PRKCB: variants seen among roughly 807,000 people sequenced by gnomAD.
PRKCB encodes the protein protein kinase C beta type.
Under a neutral mutation model 81.5 loss-of-function variants are expected in PRKCB, and 13 were observed. The ratio of observed to expected loss-of-function variants is 0.16; its 90% CI spans 0.10 to 0.25. The LOEUF is 0.25. PRKCB is among the 10% of genes least tolerant of loss of function. The pLI is 1.00. For missense variants in PRKCB, 509 were observed against 875.7 expected (o/e 0.58, Z 5.29); for synonymous variants, 335 against 321.4 (o/e 1.04, Z -0.45).
intron 5 of PRKCB, among the ~76,000 whole-genome samples, chr16:24,064,177 G>GA (rs919851565): frequency 3.3e-5 from 5 of 150,470 alleles, no homozygotes; most frequent in Non-Finnish European, 5.9e-5. Context: ...AAGGGAGCTT[G>GA]AAAAAAAAAT....
chr16:23,885,655 C>T (rs1315010320), intron 2 of PRKCB, among the ~76,000 whole-genome samples: 1 of 152,186 alleles, frequency 6.6e-6, no homozygotes, highest in East Asian at 1.9e-4. Context: ...GCATTCTCTT[C>T]TGATTCACTC....
In PRKCB at chr16:24,035,303, C is replaced by T. The variant is rs1965600100; in HGVS notation, c.401-116C>T. 4 of 1,368,644 alleles carry T rather than the reference C, an allele frequency of 2.9e-6. No individual in the cohort carries two copies. The East Asian group carries it at 7.2e-5, about 25-fold the overall frequency. The allele number at this position is 1,368,644 out of a possible 1,614,324, so 84.8% of individuals were successfully genotyped here. On this transcript the variant is annotated intron_variant, in intron 4 of 16. Transcript: ENST00000643927. ...GTTGGTCTCAGCCAGGCTCGTGTGT[C>T]TCAGCTGTCTCAAAGGAGGGAAACA...
chr16:24,106,665 TAC>T (rs2141912236), intron 7 of PRKCB, among the ~76,000 whole-genome samples: 1 of 152,348 alleles, frequency 6.6e-6, no homozygotes, highest in African/African-American at 2.4e-5. Flanking sequence ...AAAATCAATT[TAC>T]AGTCTTATCA....
intron 3 of PRKCB, among the ~76,000 whole-genome samples, chr16:23,989,589 A>T (rs1339877761): frequency 6.6e-6 from 1 of 152,230 alleles, no homozygotes; most frequent in African/African-American, 2.4e-5. Flanking sequence ...TGCATTTATG[A>T]TAAGGATATA....
chr16:23,911,128 CTTTTTTTTTTTT>C (rs567904157), intron 2 of PRKCB, among the ~76,000 whole-genome samples: 4 of 31,558 alleles, frequency 1.3e-4, no homozygotes, highest in South Asian at 1.8e-3. Flanking sequence ...CGTATATATG[CTTTTTTTTTTTT>C]TTTTTTTTTT....
chr16:24,181,789 A>AAAAAAAAAAAAAAAAAAAAAG (rs1013403340), intron 13 of PRKCB, among the ~76,000 whole-genome samples: 1 of 138,712 alleles, frequency 7.2e-6, no homozygotes, highest in Non-Finnish European at 1.6e-5. Context: ...AAAAAAAAAA[A>AAAAAAAAAAAAAAAAAAAAAG]AAGAAGAAGA....
intron 2 of PRKCB, among the ~76,000 whole-genome samples, chr16:23,847,578 G>A (rs369496284): frequency 2.2e-4 from 5 of 22,678 alleles, no homozygotes; most frequent in Admixed American, 3.4e-4. Flanking sequence ...CCATCCATCC[G>A]TCTGGCTATC....
intron 2 of PRKCB, among the ~76,000 whole-genome samples, chr16:23,850,140 A>G (rs1962449026): frequency 6.6e-6 from 1 of 152,068 alleles, no homozygotes; most frequent in Non-Finnish European, 1.5e-5. Context: ...GTCACAAATG[A>G]TATAATTTCT....
At chr16:24,135,582 G>T in intron 9 of PRKCB, among the ~76,000 whole-genome samples, 1 of 152,034 alleles carries the variant, frequency 6.6e-6, no homozygotes, top group East Asian at 1.9e-4. Context: ...CAAAGTGATG[G>T]GATTACAGGC....
In PRKCB at chr16:24,150,052, T is replaced by G. The variant is rs529308230; in HGVS notation, c.1066-4632T>G. 1.3e-4 allele frequency among the ~76,000 whole-genome samples: 20 copies of G among 152,288 alleles called. No homozygotes were observed. In the South Asian group the frequency reaches 3.9e-3, roughly 30 times the overall value. On this transcript the variant is annotated intron_variant, in intron 9 of 16. Coordinates refer to ENST00000643927, the MANE Select transcript of PRKCB (RefSeq NM_002738.7). ...GTGGTAGAAAAGGACCACGCTAGGCTGAGTGTGGTGGCTTACGCCTGTAAT... is the reference window on the plus strand; with the variant it reads ...GTGGTAGAAAAGGACCACGCTAGGCGGAGTGTGGTGGCTTACGCCTGTAAT...
intron 2 of PRKCB, 40 bp downstream of exon 2, chr16:23,837,446 G>A (rs750951281): frequency 1.3e-6 from 2 of 1,592,826 alleles, no homozygotes. Context: ...TGTGGGAAGA[G>A]AGGGTGAAAA....
intron 3 of PRKCB, among the ~76,000 whole-genome samples, chr16:24,010,439 G>A (rs1466526720): frequency 6.6e-6 from 1 of 152,192 alleles, no homozygotes; most frequent in Non-Finnish European, 1.5e-5. Context: ...ATTCGTAGGT[G>A]GGGACTGTCA....
At chr16:23,984,376 A>G (rs1049023024) in intron 2 of PRKCB, among the ~76,000 whole-genome samples, 3 of 152,196 alleles carry the variant, frequency 2.0e-5, no homozygotes, top group Admixed American at 6.5e-5. Flanking sequence ...GAGTTTGCAA[A>G]TGATAGACAC....
At chr16:23,853,215 T>G (rs1303769790) in intron 2 of PRKCB, among the ~76,000 whole-genome samples, 8 of 152,228 alleles carry the variant, frequency 5.3e-5, no homozygotes, top group Non-Finnish European at 1.0e-4. Flanking sequence ...TTAAAGCTGC[T>G]GTAACAGACA....
intron 2 of PRKCB, among the ~76,000 whole-genome samples, chr16:23,954,440 CG>C: frequency 6.6e-6 from 1 of 152,342 alleles, no homozygotes; most frequent in African/African-American, 2.4e-5. Flanking sequence ...TTGCCCTTCC[CG>C]TCCTGGGAGG....
chr16:23,906,142 T>C (rs1052460273), intron 2 of PRKCB, among the ~76,000 whole-genome samples: 6 of 152,220 alleles, frequency 3.9e-5, no homozygotes, highest in African/African-American at 1.4e-4. Context: ...TTGCTTTCTG[T>C]ACAGGATCTG....
At chr16:24,140,136 C>G (rs1042997015) in intron 9 of PRKCB, among the ~76,000 whole-genome samples, 2 of 152,176 alleles carry the variant, frequency 1.3e-5, no homozygotes, top group African/African-American at 4.8e-5. Context: ...TGGCCACTGT[C>G]AAATGTAACA....
intron 12 of PRKCB, among the ~76,000 whole-genome samples, chr16:24,180,496 T>A (rs1280296439): frequency 6.6e-6 from 1 of 152,246 alleles, no homozygotes; most frequent in Non-Finnish European, 1.5e-5. Flanking sequence ...ATGGATGCTC[T>A]GCCCTTTGCT....
chr16:23,852,218 C>G (rs1962484681), intron 2 of PRKCB, among the ~76,000 whole-genome samples: 1 of 152,158 alleles, frequency 6.6e-6, no homozygotes, highest in South Asian at 2.1e-4. Flanking sequence ...CTTTTCAGTG[C>G]TGAGAAGGAT....
Sources: allele counts gnomAD v4.1 joint callset (sites outside exome capture counted in the v4.1 genomes callset), GRCh38; gene constraint gnomAD v4.1.1; transcripts MANE v1.5; gene names NCBI Gene and HGNC (gene_info 2026-07-23, HGNC 2026-07-21).